Variants in AFF3 observed in about 807,000 individuals in gnomAD.
The protein encoded by AFF3 is ALF transcription elongation factor 3.
AFF3 carries 32 observed loss-of-function variants against 129.7 expected under a neutral mutation model. The ratio of observed to expected loss-of-function variants is 0.25; its 90% CI spans 0.19 to 0.33. The LOEUF is 0.33. AFF3 is among the 10% of genes least tolerant of loss of function. AFF3 has a pLI of 1.00. For synonymous variants in AFF3, 644 were observed against 635.4 expected (o/e 1.01, Z -0.20); for missense variants, 1,373 against 1,592.0 (o/e 0.86, Z 2.34).
chr2:99,674,175 A>C lies in AFF3; in HGVS notation c.1092-1586T>G, dbSNP rs139287804. On this transcript the variant is annotated intron_variant, in intron 11 of 24. Transcript: ENST00000672756. ...TCGTTCTTCTATTATTTAAACCACA[A>C]GTGAACAAATGAACACGTCAGCAGA... Among the ~76,000 whole-genome samples, 711 of 152,308 alleles carry C rather than the reference A, an allele frequency of 4.7e-3. 4 individuals carry two copies. Among genetic ancestry groups the C allele is most frequent in the African/African-American group, 0.016 (673 of 41,576 alleles).
intron 1 of AFF3, among the ~76,000 whole-genome samples, chr2:100,134,582 T>C (rs1032453223): frequency 6.6e-6 from 1 of 152,232 alleles, no homozygotes; most frequent in African/African-American, 2.4e-5. Flanking sequence ...CCCAAGATCA[T>C]TTAATCTTTA....
chr2:99,729,042 T>C (rs1266503527), intron 10 of AFF3, among the ~76,000 whole-genome samples: 1 of 152,162 alleles, frequency 6.6e-6, no homozygotes, highest in African/African-American at 2.4e-5. Context: ...GGAAGTATAT[T>C]TTTTTTCTCA....
chr2:100,030,905 G>A (rs1201485047), intron 4 of AFF3, among the ~76,000 whole-genome samples: 1 of 152,168 alleles, frequency 6.6e-6, no homozygotes. Flanking sequence ...GTATGATACT[G>A]TAATGATGAA....
intron 4 of AFF3, among the ~76,000 whole-genome samples, chr2:100,031,410 A>G (rs1115910): frequency 0.53 from 80,609 of 152,028 alleles, 21,943 homozygotes; most frequent in African/African-American, 0.64. Flanking sequence ...TTAGCTTACT[A>G]TAGATATAGA....
intron 20 of AFF3, among the ~76,000 whole-genome samples, chr2:99,563,843 A>AAAGG (rs368935567): frequency 5.5e-4 from 83 of 150,408 alleles, no homozygotes; most frequent in African/African-American, 1.9e-3. Context: ...AGAAAGAAAG[A>AAAGG]AAAAGAGCCA....
In AFF3 at chr2:99,550,716, G is replaced by A. The variant is rs1001003717; in HGVS notation, c.*758C>T. On this transcript the variant is annotated 3_prime_UTR_variant, in exon 25 of 25. Coordinates refer to ENST00000672756, the MANE Select transcript of AFF3 (RefSeq NM_001386135.1). ...GTCTGTTAACTTTCAAAGACGCCGCGTTTTTGCTAAATCTCAGTGCCATTT... is the reference window on the plus strand; with the variant it reads ...GTCTGTTAACTTTCAAAGACGCCGCATTTTTGCTAAATCTCAGTGCCATTT... 1 of 232,816 alleles carries A rather than the reference G, an allele frequency of 4.3e-6. No individual in the cohort carries two copies. Among genetic ancestry groups the A allele is most frequent in the Non-Finnish European group, 8.5e-6 (1 of 117,916 alleles). 14.4% of individuals were successfully genotyped at this position (232,816 alleles called of 1,614,324 possible).
intron 7 of AFF3, among the ~76,000 whole-genome samples, chr2:99,929,862 T>C (rs1400036764): frequency 6.6e-6 from 1 of 151,768 alleles, no homozygotes; most frequent in East Asian, 1.9e-4. Context: ...CAGTTTGACA[T>C]GTTCAGTGAA....
intron 7 of AFF3, among the ~76,000 whole-genome samples, chr2:99,913,139 AGT>A (rs1455587036): frequency 2.6e-5 from 4 of 152,206 alleles, no homozygotes; most frequent in African/African-American, 9.6e-5. Flanking sequence ...TGACAAAGAC[AGT>A]GTCTTATTCA....
Position 99,829,780 on chromosome 2 carries a change from G to T in AFF3, c.921+7697C>A, listed in dbSNP as rs545744873. ...TTTGACCCAGCAATCCCATTACAGGGTATATACTCAAAGGATTATAAATCA... is the reference window on the plus strand; with the variant it reads ...TTTGACCCAGCAATCCCATTACAGGTTATATACTCAAAGGATTATAAATCA... On this transcript the variant is annotated intron_variant, in intron 8 of 24. Transcript: ENST00000672756. Among the ~76,000 whole-genome samples, 8 of 152,284 alleles carry T rather than the reference G, an allele frequency of 5.3e-5. No homozygotes were observed. The East Asian group carries it at 1.3e-3, about 26-fold the overall frequency.
At chr2:100,057,902 T>C (rs1686939057) in intron 4 of AFF3, among the ~76,000 whole-genome samples, 1 of 152,214 alleles carries the variant, frequency 6.6e-6, no homozygotes, top group South Asian at 2.1e-4. Context: ...AGATAAACTA[T>C]TATTCTTCAT....
chr2:99,649,283 T>C (rs1685012764), intron 13 of AFF3, among the ~76,000 whole-genome samples: 1 of 152,152 alleles, frequency 6.6e-6, no homozygotes, highest in Admixed American at 6.5e-5. Context: ...GAAGAAAACA[T>C]CTCAAAATAA....
At chr2:99,582,154 C>T (rs780281043) in intron 17 of AFF3, among the ~76,000 whole-genome samples, 10 of 152,150 alleles carry the variant, frequency 6.6e-5, no homozygotes, top group African/African-American at 1.2e-4. Flanking sequence ...CACGCCCGGT[C>T]GGGGTCTTTT....
intron 8 of AFF3, among the ~76,000 whole-genome samples, chr2:99,831,938 T>C (rs911919503): frequency 6.6e-6 from 1 of 152,226 alleles, no homozygotes; most frequent in African/African-American, 2.4e-5. Context: ...CTCCTCTGCA[T>C]TCCTCCTGTA....
At chr2:99,598,148 G>A (rs894611350) in intron 14 of AFF3, among the ~76,000 whole-genome samples, 4 of 152,152 alleles carry the variant, frequency 2.6e-5, no homozygotes, top group Non-Finnish European at 4.4e-5. Context: ...CAATAGTAAG[G>A]GTTGCGTGAT....
chr2:99,809,744 A>G (rs763542128), intron 8 of AFF3, among the ~76,000 whole-genome samples: 1 of 152,240 alleles, frequency 6.6e-6, no homozygotes, highest in Non-Finnish European at 1.5e-5. Flanking sequence ...TGAGTCCCAC[A>G]TCCCACTGCG....
intron 8 of AFF3, among the ~76,000 whole-genome samples, chr2:99,762,227 C>A (rs564953876): frequency 6.6e-6 from 1 of 151,648 alleles, no homozygotes; most frequent in African/African-American, 2.4e-5. Context: ...CCTGTTCAAG[C>A]GATTCTCCCG....
rs866218149 is a variant in AFF3, at chr2:99,837,419, T to C, written c.921+58A>G. 44 of 1,528,998 alleles carry C rather than the reference T, an allele frequency of 2.9e-5. No homozygotes were observed. In the Middle Eastern group the frequency reaches 3.1e-3, roughly 107 times the overall value. The allele number at this position is 1,528,998 out of a possible 1,614,324, so 94.7% of individuals were successfully genotyped here. On this transcript the variant is annotated intron_variant, in intron 8 of 24. Transcript: ENST00000672756. ...CTTTATCATGGAGCCGCAGGTTTCC[T>C]TTCTATTTAGAGTCTATGTCCCACA... is the stretch of plus-strand genomic sequence containing the variant.
intron 4 of AFF3, among the ~76,000 whole-genome samples, chr2:100,038,182 G>GC (rs1559078151): frequency 6.6e-6 from 1 of 151,892 alleles, no homozygotes; most frequent in African/African-American, 2.4e-5. Flanking sequence ...TGCAGGAGAC[G>GC]CCCAAGGACA....
At chr2:99,868,352 C>A (rs1691600063) in intron 7 of AFF3, among the ~76,000 whole-genome samples, 1 of 151,982 alleles carries the variant, frequency 6.6e-6, no homozygotes, top group Non-Finnish European at 1.5e-5. Context: ...AGAGAGGGTA[C>A]AGCATCTGAA....
Sources: allele counts gnomAD v4.1 joint callset (sites outside exome capture counted in the v4.1 genomes callset), GRCh38; gene constraint gnomAD v4.1.1; transcripts MANE v1.5; gene names NCBI Gene and HGNC (gene_info 2026-07-23, HGNC 2026-07-21).